The following PPP2R2B variants were observed in gnomAD, a reference collection of about 807,000 sequenced individuals.
PPP2R2B encodes the protein protein phosphatase 2 regulatory subunit Bbeta, also known as serine/threonine-protein phosphatase 2A 55 kDa regulatory subunit B beta isoform.
In PPP2R2B, 5 loss-of-function variants were observed where a neutral mutation model predicts 46.0. That is an observed-to-expected ratio of 0.11 (90% CI 0.06 to 0.23). The LOEUF (loss-of-function observed/expected upper bound fraction) is 0.23. Ranked by LOEUF, PPP2R2B falls within the 10% of genes least tolerant of loss-of-function variation. The pLI is 1.00. For synonymous variants in PPP2R2B, 215 were observed against 206.7 expected, an observed-to-expected ratio of 1.04 and a Z score of -0.34; for missense variants, 367 against 575.0, an observed-to-expected ratio of 0.64 and a Z score of 3.70.
At chr5:146,709,347 G>A (rs954697150) in intron 2 of PPP2R2B, among the ~76,000 whole-genome samples, 5 of 152,144 alleles carry the variant, frequency 3.3e-5, no homozygotes, top group African/African-American at 1.2e-4. Flanking sequence ...CATGTGTTAT[G>A]TCATGGCAGA....
chr5:147,081,368 C>A, exon 1 of PPP2R2B: 1 of 1,440,000 alleles, frequency 6.9e-7, no homozygotes, highest in Non-Finnish European at 9.4e-7. Context: ...TTTGACCAGG[C>A]CAGGACCAGT....
rs138782304 is a variant in PPP2R2B at position 146,963,561 on chromosome 5, C to T, written c.79+92104G>A. 3.1e-3 allele frequency among the ~76,000 whole-genome samples: 477 copies of T among 152,284 alleles called. 1 individual carries two copies. The highest frequency in any genetic ancestry group is 6.1e-3 in the Admixed American group (93 of 15,282). ...TGTTAGTTGAGCATTTCTTTGGGGT[C>T]CCAAGTTTTTCCCCAAGGGGTTTAT... is the stretch of plus-strand genomic sequence containing the variant. On this transcript the variant is annotated intron_variant, in intron 1 of 8. Coordinates refer to the PPP2R2B transcript ENST00000336640.
chr5:147,056,947 T>C (rs1245066005), upstream of PPP2R2B, among the ~76,000 whole-genome samples: 2 of 152,156 alleles, frequency 1.3e-5, no homozygotes, highest in Non-Finnish European at 2.9e-5. Flanking sequence ...CACAAGGAAA[T>C]GATTTAAATG....
At chr5:146,590,533 G>T (rs1463045584) in intron 9 of PPP2R2B, among the ~76,000 whole-genome samples, 1 of 151,948 alleles carries the variant, frequency 6.6e-6, no homozygotes, top group Non-Finnish European at 1.5e-5. Context: ...CTCAGAAAAG[G>T]TGTCCACTGG....
At chr5:146,955,406 G>C (rs1380959403) in intron 1 of PPP2R2B, among the ~76,000 whole-genome samples, 1 of 152,154 alleles carries the variant, frequency 6.6e-6, no homozygotes, top group Non-Finnish European at 1.5e-5. Context: ...ATTTTGAGTA[G>C]CAAGTAAATA....
At chr5:146,605,674 G>T (rs1350818027) in intron 7 of PPP2R2B, among the ~76,000 whole-genome samples, 2 of 152,170 alleles carry the variant, frequency 1.3e-5, no homozygotes, top group African/African-American at 4.8e-5. Flanking sequence ...GTTCCCCAGG[G>T]GGCATGACTG....
chr5:146,903,202 ATTG>A (rs1762890958), intron 1 of PPP2R2B, among the ~76,000 whole-genome samples: 1 of 152,148 alleles, frequency 6.6e-6, no homozygotes, highest in African/African-American at 2.4e-5. Flanking sequence ...TGAGTTTATT[ATTG>A]TTATTTTTAA....
chr5:146,685,230 A>G (rs1778417635), intron 5 of PPP2R2B, among the ~76,000 whole-genome samples: 1 of 152,102 alleles, frequency 6.6e-6, no homozygotes, highest in African/African-American at 2.4e-5. Context: ...AGTCAGACAG[A>G]CTCTGGAGCT....
intron 3 of PPP2R2B, among the ~76,000 whole-genome samples, chr5:146,700,595 G>C (rs1230834353): frequency 6.6e-6 from 1 of 152,084 alleles, no homozygotes; most frequent in Non-Finnish European, 1.5e-5. Context: ...CCTTAGGTGA[G>C]GTAAGCTATC....
At chr5:146,867,223 A>T (rs1761362500) in intron 2 of PPP2R2B, among the ~76,000 whole-genome samples, 1 of 152,118 alleles carries the variant, frequency 6.6e-6, no homozygotes, top group East Asian at 1.9e-4. Flanking sequence ...CTGTAGTAAG[A>T]TTGCTTCTGC....
chr5:146,815,150 A>G (rs1757855367), intron 2 of PPP2R2B, among the ~76,000 whole-genome samples: 1 of 152,218 alleles, frequency 6.6e-6, no homozygotes, highest in Non-Finnish European at 1.5e-5. Flanking sequence ...GGCACTGCCT[A>G]CACTAGTCTG....
chr5:146,995,424 G>A (rs1475829208), intron 1 of PPP2R2B, among the ~76,000 whole-genome samples: 1 of 152,194 alleles, frequency 6.6e-6, no homozygotes, highest in Non-Finnish European at 1.5e-5. Flanking sequence ...GTAATTGGGG[G>A]TGTAACCACT....
At chr5:147,081,200 A>C (rs1757958272) in intron 1 of PPP2R2B, 6 of 1,535,510 alleles carry the variant, frequency 3.9e-6, no homozygotes, top group Non-Finnish European at 4.4e-6. Flanking sequence ...TTAAGAGACC[A>C]ACAAGAAAAG....
At chr5:147,075,358 A>C (rs1757731928) in intron 2 of PPP2R2B, among the ~76,000 whole-genome samples, 1 of 152,142 alleles carries the variant, frequency 6.6e-6, no homozygotes, top group Non-Finnish European at 1.5e-5. Context: ...ATAACAGTGT[A>C]AGTTTAGGTC....
intron 4 of PPP2R2B, among the ~76,000 whole-genome samples, chr5:146,697,426 C>T (rs1478292081): frequency 1.3e-5 from 2 of 152,200 alleles, no homozygotes; most frequent in Non-Finnish European, 2.9e-5. Context: ...CCTCCTCATC[C>T]AACAAATGGT....
At chr5:146,831,989 G>A (rs1758970266) in intron 2 of PPP2R2B, among the ~76,000 whole-genome samples, 1 of 152,096 alleles carries the variant, frequency 6.6e-6, no homozygotes. Flanking sequence ...GTGTTCTTTT[G>A]TTTCTTAAGG....
At chr5:146,864,655 C>G (rs1343544375) in intron 2 of PPP2R2B, among the ~76,000 whole-genome samples, 2 of 152,194 alleles carry the variant, frequency 1.3e-5, no homozygotes, top group African/African-American at 2.4e-5. Flanking sequence ...AGGGTACAAA[C>G]TACTCACCCA....
At chr5:146,803,314 T>C (rs1458711309) in intron 2 of PPP2R2B, among the ~76,000 whole-genome samples, 1 of 152,180 alleles carries the variant, frequency 6.6e-6, no homozygotes, top group Non-Finnish European at 1.5e-5. Context: ...AAATGCCTCA[T>C]GTCAGGGAAT....
At chr5:146,853,606 T>C (rs1487922261) in intron 2 of PPP2R2B, among the ~76,000 whole-genome samples, 1 of 152,134 alleles carries the variant, frequency 6.6e-6, no homozygotes, top group African/African-American at 2.4e-5. Context: ...AACTAATGCA[T>C]GTAAAGGGCT....
Sources: gnomAD v4.1 joint callset for allele counts (sites outside exome capture counted in the v4.1 genomes callset) on GRCh38, gnomAD v4.1.1 for gene constraint, MANE v1.5 for transcripts, NCBI Gene and HGNC (gene_info 2026-07-23, HGNC 2026-07-21) for gene names.